SEPTIN9: variants seen among roughly 807,000 people sequenced by gnomAD.
The protein encoded by SEPTIN9 is septin-9.
SEPTIN9 carries 13 observed loss-of-function variants against 56.6 expected under a neutral mutation model. The observed-to-expected ratio is 0.23, with a 90% CI of 0.15 to 0.37. The LOEUF (loss-of-function observed/expected upper bound fraction) is 0.37. Ranked by LOEUF, SEPTIN9 falls within the 10% of genes least tolerant of loss-of-function variation. SEPTIN9 has a pLI of 1.00. For synonymous variants in SEPTIN9, 332 were observed against 334.1 expected (o/e 0.99, Z 0.07); for missense variants, 650 against 823.1 (o/e 0.79, Z 2.57).
chr17:77,368,303 TTTTTTG>T, intron 2 of SEPTIN9, among the ~76,000 whole-genome samples: 1 of 150,370 alleles, frequency 6.7e-6, no homozygotes, highest in Admixed American at 6.8e-5. Context: ...TAAATTTGTC[TTTTTTG>T]TTTTTGTTTT....
chr17:77,461,672 G>C (rs984200411), intron 3 of SEPTIN9, among the ~76,000 whole-genome samples: 1 of 152,246 alleles, frequency 6.6e-6, no homozygotes, highest in Non-Finnish European at 1.5e-5. Context: ...CAAAGTGATT[G>C]TATTAGGGTC....
chr17:77,308,581 A>G (rs2032360837), intron 2 of SEPTIN9, among the ~76,000 whole-genome samples: 1 of 152,218 alleles, frequency 6.6e-6, no homozygotes, highest in Non-Finnish European at 1.5e-5. Flanking sequence ...CTTGCATAGA[A>G]TTATTTATTT....
chr17:77,305,112 C>G (rs1465942653), intron 1 of SEPTIN9, among the ~76,000 whole-genome samples: 1 of 152,150 alleles, frequency 6.6e-6, no homozygotes, highest in East Asian at 1.9e-4. Context: ...CGAGGTCTGC[C>G]TTTCTGTCTG....
intron 3 of SEPTIN9, among the ~76,000 whole-genome samples, chr17:77,412,207 C>A: frequency 6.6e-6 from 1 of 151,924 alleles, no homozygotes; most frequent in Non-Finnish European, 1.5e-5. Context: ...TTTTTTAGGA[C>A]CCCTCCCCTC....
In SEPTIN9 at chr17:77,488,824, G is replaced by A. The variant is rs771639743; in HGVS notation, c.1222G>A (p.Val408Ile). Residue 408 changes from valine to isoleucine, a missense_variant, in exon 7 of 12, where the codon GTC becomes ATC. Physicochemically the swap from Val to Ile is conservative, Grantham distance 29. Around this residue, in one of 2 missense-constraint regions of SEPTIN9, gnomAD observed 333 missense variants for 494.0 expected, o/e 0.67. Transcript: ENST00000427177. ...CAAGAAGCGCATCCCGGACACCCGCGTCCACTGCTGCCTCTACTTCATCCC... is the reference window on the plus strand; with the variant it reads ...CAAGAAGCGCATCCCGGACACCCGCATCCACTGCTGCCTCTACTTCATCCC... ...NRKKRIPDTR[V>I]HCCLYFIPAT... The A allele has an allele frequency of 3.1e-6, 5 of 1,613,604 alleles. No homozygotes were observed. The highest frequency in any genetic ancestry group is 1.6e-4 in the Middle Eastern group (1 of 6,082).
intron 1 of SEPTIN9, among the ~76,000 whole-genome samples, chr17:77,285,891 CG>C (rs2143485449): frequency 6.6e-6 from 1 of 152,348 alleles, no homozygotes; most frequent in South Asian, 2.1e-4. Context: ...CCCAGCGCCC[CG>C]GGAGCTGACT....
chr17:77,463,112 C>T (rs942907474), intron 3 of SEPTIN9, among the ~76,000 whole-genome samples: 4 of 152,148 alleles, frequency 2.6e-5, no homozygotes, highest in African/African-American at 4.8e-5. Flanking sequence ...TGTTCCTTTC[C>T]GCTGGGTGTA....
chr17:77,324,791 C>G (rs909835440), intron 2 of SEPTIN9, among the ~76,000 whole-genome samples: 1 of 151,438 alleles, frequency 6.6e-6, no homozygotes, highest in African/African-American at 2.4e-5. Flanking sequence ...TGCCTTCTCC[C>G]CACGTTGTTA....
intron 2 of SEPTIN9, among the ~76,000 whole-genome samples, chr17:77,393,189 C>T (rs138774329): frequency 6.6e-6 from 1 of 152,298 alleles, no homozygotes; most frequent in East Asian, 1.9e-4. Flanking sequence ...GCCTCACCAG[C>T]TCATTGTGAC....
At chr17:77,362,909 G>A (rs988914679) in intron 2 of SEPTIN9, among the ~76,000 whole-genome samples, 9 of 152,230 alleles carry the variant, frequency 5.9e-5, no homozygotes, top group African/African-American at 2.2e-4. Context: ...CCTGAGTCAG[G>A]CCAGGGAGGG....
intron 2 of SEPTIN9, among the ~76,000 whole-genome samples, chr17:77,342,834 C>T (rs1157298822): frequency 3.3e-5 from 5 of 151,996 alleles, no homozygotes; most frequent in South Asian, 4.1e-4. Context: ...ATTATCCTGG[C>T]GTGGCGGTGT....
intron 3 of SEPTIN9, among the ~76,000 whole-genome samples, chr17:77,426,700 G>A (rs886372620): frequency 3.9e-5 from 6 of 152,164 alleles, no homozygotes; most frequent in Admixed American, 1.3e-4. Flanking sequence ...CCTGTCACCC[G>A]CAGTTAAAAC....
At chr17:77,490,370 T>G (rs1277872061) in intron 7 of SEPTIN9, among the ~76,000 whole-genome samples, 3 of 152,122 alleles carry the variant, frequency 2.0e-5, no homozygotes, top group African/African-American at 7.2e-5. Context: ...GGTGCTAGCT[T>G]CTATTTCTCT....
rs982166981 is a variant in SEPTIN9, at chr17:77,319,745, C to A, written c.76+12548C>A. The stretch of plus-strand genomic sequence containing the variant: ...TTTAAACCCTTAAGCCCAAGGAAAT[C>A]GTAGCATCGCGGGACAGGGAAAATG... On this transcript the variant is annotated intron_variant, in intron 2 of 11. Coordinates refer to ENST00000427177, the MANE Select transcript of SEPTIN9 (RefSeq NM_001113491.2). The surrounding 1 kb of genome is among the most constrained non-coding windows in gnomAD (Gnocchi z 5.3). 1.9e-6 allele frequency: 2 copies of A among 1,071,092 alleles called. No homozygotes were observed. Among genetic ancestry groups the A allele is most frequent in the Non-Finnish European group, 1.1e-6 (1 of 882,316 alleles). The allele number at this position is 1,071,092 out of a possible 1,614,324, so 66.3% of individuals were successfully genotyped here. A position where few individuals can be genotyped will look rare whatever the true frequency, so the allele number is the denominator to read the frequency against.
At position 77,482,057 on chromosome 17, in the gene SEPTIN9, A is replaced by T. The variant is rs181686593; in HGVS notation, c.722-87A>T. On this transcript the variant is annotated intron_variant, in intron 3 of 11. Transcript: ENST00000427177. Reference sequence around the variant, plus strand: ...TGAGCCTCAGTGCCTCAGTTTCCCCATCCAAGGATGGGTGTGACAACCACC... The same window carrying T: ...TGAGCCTCAGTGCCTCAGTTTCCCCTTCCAAGGATGGGTGTGACAACCACC... The T allele has an allele frequency of 1.6e-4, 209 of 1,315,280 alleles. No homozygotes were observed. The African/African-American group carries it at 2.5e-3, about 15-fold the overall frequency. The allele number at this position is 1,315,280 out of a possible 1,614,324, so 81.5% of individuals were successfully genotyped here.
At position 77,301,374 on chromosome 17, in the gene SEPTIN9, GA is replaced by G. The variant is rs571319482; in HGVS notation, c.20-5759del. ...ACCTGGCCTCTCTCAGGAGTTTCAA[GA>G]AAAAAAATGGGAATAGATTTGTGTG... On this transcript the variant is annotated intron_variant, in intron 1 of 11. Transcript: ENST00000427177. 5.8e-4 allele frequency among the ~76,000 whole-genome samples: 86 copies of G among 147,704 alleles called. 1 individual carries two copies. In the East Asian group the frequency reaches 8.0e-3, roughly 14 times the overall value.
At chr17:77,413,838 AC>A (rs2036389406) in intron 3 of SEPTIN9, among the ~76,000 whole-genome samples, 1 of 151,096 alleles carries the variant, frequency 6.6e-6, no homozygotes, top group African/African-American at 2.4e-5. Context: ...ACCAGGACAC[AC>A]CTATATATGG....
chr17:77,360,705 C>T lies in SEPTIN9; in HGVS notation c.77-41354C>T, dbSNP rs151044493. Among the ~76,000 whole-genome samples the T allele has an allele frequency of 1.3e-3, 204 of 152,280 alleles. 3 individuals are homozygous for T. In the East Asian group the frequency reaches 0.033, roughly 25 times the overall value. On this transcript the variant is annotated intron_variant, in intron 2 of 11. Transcript: ENST00000427177. ...TGAGCTTCCAGAATAGCTGGGACTA[C>T]AGGCGCCCGCCACCACACCCGGCTA...
chr17:77,309,203 C>T (rs376696761), intron 2 of SEPTIN9, among the ~76,000 whole-genome samples: 38 of 152,376 alleles, frequency 2.5e-4, no homozygotes, highest in African/African-American at 6.7e-4. Flanking sequence ...CAGCCTCCCC[C>T]GGCGGTTGCT....
Sources: gnomAD v4.1 joint callset for allele counts (sites outside exome capture counted in the v4.1 genomes callset) on GRCh38, gnomAD v4.1.1 for gene constraint, gnomAD v4.1.1 regional missense constraint, Gnocchi (gnomAD v3.1) non-coding constraint, MANE v1.5 for transcripts, NCBI Gene and HGNC (gene_info 2026-07-23, HGNC 2026-07-21) for gene names.